Variants in RORB observed in about 807,000 individuals in gnomAD.
RORB encodes the protein nuclear receptor ROR-beta.
RORB carries 6 observed loss-of-function variants against 59.1 expected under a neutral mutation model. The observed-to-expected ratio is 0.10, with a 90% CI of 0.06 to 0.20. The LOEUF (loss-of-function observed/expected upper bound fraction) is 0.20, where lower values mean the gene tolerates loss of function less well. Among genes scored for constraint, RORB ranks in the 10% least tolerant of loss-of-function variants. The pLI is 1.00. For missense variants in RORB, 320 were observed against 560.5 expected (o/e 0.57, Z 4.33); for synonymous variants, 215 against 204.5 (o/e 1.05, Z -0.44).
At chr9:74,567,269 C>T (rs932864566) in intron 1 of RORB, among the ~76,000 whole-genome samples, 2 of 152,154 alleles carry the variant, frequency 1.3e-5, no homozygotes, top group African/African-American at 4.8e-5. Flanking sequence ...TCAAGTGATC[C>T]ACCCGCCTTG....
At chr9:74,606,083 G>C (rs1429705094) in intron 1 of RORB, among the ~76,000 whole-genome samples, 2 of 152,186 alleles carry the variant, frequency 1.3e-5, no homozygotes, top group Non-Finnish European at 2.9e-5. Context: ...TTACTTGAGA[G>C]TACTAACACC....
intron 1 of RORB, among the ~76,000 whole-genome samples, chr9:74,505,272 T>C (rs767847995): frequency 2.0e-5 from 3 of 152,108 alleles, no homozygotes; most frequent in Admixed American, 6.6e-5. Context: ...TCTCATCTGT[T>C]CTGAAAACTT....
intron 1 of RORB, among the ~76,000 whole-genome samples, chr9:74,512,008 A>G (rs529286971): frequency 2.0e-5 from 3 of 152,152 alleles, no homozygotes; most frequent in Non-Finnish European, 4.4e-5. Flanking sequence ...AAGAAGAAAA[A>G]TGAATTTAAA....
chr9:74,576,094 C>T (rs1252220913), intron 1 of RORB, among the ~76,000 whole-genome samples: 1 of 152,050 alleles, frequency 6.6e-6, no homozygotes, highest in Non-Finnish European at 1.5e-5. Context: ...TTGTGGGAAG[C>T]TTCAAGTACA....
intron 7 of RORB, among the ~76,000 whole-genome samples, chr9:74,667,176 A>C (rs1824281084): frequency 1.3e-5 from 2 of 152,200 alleles, no homozygotes; most frequent in African/African-American, 4.8e-5. Context: ...TATTTTGCCA[A>C]AATACGCAAC....
chr9:74,510,586 A>G (rs1210908635), intron 1 of RORB, among the ~76,000 whole-genome samples: 1 of 152,172 alleles, frequency 6.6e-6, no homozygotes, highest in Non-Finnish European at 1.5e-5. Flanking sequence ...CAATAAGCTT[A>G]TGTAGCCACT....
At chr9:74,558,285 G>C (rs879376728) in intron 1 of RORB, among the ~76,000 whole-genome samples, 5 of 152,100 alleles carry the variant, frequency 3.3e-5, no homozygotes, top group Non-Finnish European at 7.4e-5. Context: ...ATTCAGTTGA[G>C]CTCGAGCAGG....
At chr9:74,645,244 G>C (rs1823875381) in intron 4 of RORB, among the ~76,000 whole-genome samples, 1 of 152,084 alleles carries the variant, frequency 6.6e-6, no homozygotes, top group African/African-American at 2.4e-5. Flanking sequence ...TTCTATGACT[G>C]TTGAATCTAG....
rs1320996639 is a variant in RORB at position 74,642,421 on chromosome 9, G to A, written c.243G>A (p.Lys81=). 6.2e-7 allele frequency: 1 copy of A among 1,609,060 alleles called. No homozygotes were observed. Among genetic ancestry groups the A allele is most frequent in the South Asian group, 1.1e-5 (1 of 90,508 alleles). Residue 81 remains lysine, a synonymous_variant, in exon 4 of 10, where the codon AAG becomes AAA. Transcript: ENST00000376896. ...CTTTTCTCTCCAACCCAGCTGTGAA[G>A]TTTGGGAGGATGTCCAAGAAGCAAA... is the stretch of plus-strand genomic sequence containing the variant. The part of the protein sequence containing the change: ...LALGMSRDAV[K]FGRMSKKQRD...
intron 4 of RORB, among the ~76,000 whole-genome samples, chr9:74,655,191 A>T (rs1000194208): frequency 1.3e-5 from 2 of 152,188 alleles, no homozygotes; most frequent in Non-Finnish European, 2.9e-5. Context: ...TACTGAGAAG[A>T]TGTAGCTGCA....
intron 2 of RORB, among the ~76,000 whole-genome samples, chr9:74,633,069 C>T (rs1315278055): frequency 1.3e-5 from 2 of 152,186 alleles, no homozygotes; most frequent in Admixed American, 1.3e-4. Flanking sequence ...GTCTGAGTTT[C>T]CTCACAGGTT....
intron 9 of RORB, among the ~76,000 whole-genome samples, chr9:74,674,105 A>T (rs1824393870): frequency 6.6e-6 from 1 of 152,138 alleles, no homozygotes; most frequent in Non-Finnish European, 1.5e-5. Flanking sequence ...ACTCCGGACA[A>T]ATGTGCCATC....
At chr9:74,546,628 T>C (rs1371125657) in intron 1 of RORB, among the ~76,000 whole-genome samples, 1 of 152,188 alleles carries the variant, frequency 6.6e-6, no homozygotes, top group Non-Finnish European at 1.5e-5. Flanking sequence ...AAGTGGCAGA[T>C]AGACCACTAG....
rs754961476 is a variant in RORB, at chr9:74,685,543, A to G, written c.1305A>G (p.Pro435=). ...TGCAGGTATTTAAGCAATCTCATCC[A>G]GAGATAGTGAATACACTGTTTCCTC... ...EKLQVFKQSH[P]EIVNTLFPPL... Residue 435 remains proline, a synonymous_variant, in exon 10 of 10, where the codon CCA becomes CCG. Transcript: ENST00000376896. 1.2e-6 allele frequency: 2 copies of G among 1,612,398 alleles called. No homozygotes were observed. The highest frequency in any genetic ancestry group is 1.7e-6 in the Non-Finnish European group (2 of 1,178,506).
chr9:74,556,758 G>C (rs888378061), intron 1 of RORB, among the ~76,000 whole-genome samples: 14 of 152,138 alleles, frequency 9.2e-5, no homozygotes, highest in African/African-American at 3.1e-4. Flanking sequence ...GTGCTGGGGA[G>C]CAGGCAGCCA....
At chr9:74,673,637 GA>G (rs1824385591) in intron 9 of RORB, among the ~76,000 whole-genome samples, 1 of 152,124 alleles carries the variant, frequency 6.6e-6, no homozygotes, top group Non-Finnish European at 1.5e-5. Flanking sequence ...AGAAATTGAA[GA>G]ACGAAAGATA....
intron 1 of RORB, among the ~76,000 whole-genome samples, chr9:74,578,244 G>T (rs1822666816): frequency 6.6e-6 from 1 of 152,054 alleles, no homozygotes; most frequent in African/African-American, 2.4e-5. Context: ...CAATCACCAA[G>T]ATCATATGAT....
chr9:74,681,180 C>T (rs1247961520), intron 9 of RORB, among the ~76,000 whole-genome samples: 4 of 152,236 alleles, frequency 2.6e-5, no homozygotes, highest in Non-Finnish European at 5.9e-5. Context: ...GCTTCTGGAT[C>T]ACTTCCCCAG....
intron 1 of RORB, among the ~76,000 whole-genome samples, chr9:74,580,964 C>A (rs2118257143): frequency 6.6e-6 from 1 of 152,222 alleles, no homozygotes. Context: ...TGAAGTTTTG[C>A]CCCACCCAGC....
Sources: gnomAD v4.1 joint callset for allele counts (sites outside exome capture counted in the v4.1 genomes callset) on GRCh38, gnomAD v4.1.1 for gene constraint, MANE v1.5 for transcripts, NCBI Gene and HGNC (gene_info 2026-07-23, HGNC 2026-07-21) for gene names.